Variants in AAMDC observed in about 807,000 individuals in gnomAD.
AAMDC encodes mth938 domain-containing protein.
A neutral mutation model predicts 15.5 loss-of-function variants in AAMDC; 16 were observed. The ratio of observed to expected loss-of-function variants is 1.03; its 90% CI spans 0.70 to 1.57. AAMDC has a LOEUF of 1.57. Ranked by LOEUF, AAMDC falls within the 40% of genes most tolerant of loss-of-function variation. AAMDC has a pLI of 0.00. For synonymous variants in AAMDC, 51 were observed against 51.6 expected, an observed-to-expected ratio of 0.99 and a Z score of 0.05; for missense variants, 141 against 144.9, an observed-to-expected ratio of 0.97 and a Z score of 0.14.
intron 2 of AAMDC, among the ~76,000 whole-genome samples, chr11:77,860,735 A>T (rs569434571): frequency 4.6e-5 from 7 of 152,332 alleles, no homozygotes; most frequent in Non-Finnish European, 4.4e-5. Context: ...TCAAAGGCAA[A>T]CAAGAATTGA....
intron 1 of AAMDC, among the ~76,000 whole-genome samples, chr11:77,830,571 G>A (rs1949375647): frequency 6.7e-6 from 1 of 148,284 alleles, no homozygotes; most frequent in African/African-American, 2.5e-5. Flanking sequence ...TAGAGGCAAG[G>A]TGCCCCCGAC....
chr11:77,891,969 C>T, intron 5 of AAMDC: 2 of 1,454,652 alleles, frequency 1.4e-6, no homozygotes, highest in Admixed American at 2.1e-5. Flanking sequence ...CAGTTTACGA[C>T]CAAGATAGAC....
chr11:77,891,938 T>A, intron 5 of AAMDC: 1 of 1,570,982 alleles, frequency 6.4e-7, no homozygotes, highest in Non-Finnish European at 8.6e-7. Context: ...GTAGGAAGAA[T>A]GATGAAGTGA....
chr11:77,870,538 C>T (rs1021468361), intron 3 of AAMDC, among the ~76,000 whole-genome samples: 2 of 151,702 alleles, frequency 1.3e-5, no homozygotes, highest in Admixed American at 6.6e-5. Context: ...GGGGTTTCAC[C>T]GTGTTAGCCA....
chr11:77,903,624 C>A, downstream of AAMDC: 1 of 1,612,158 alleles, frequency 6.2e-7, no homozygotes, highest in South Asian at 1.1e-5. Flanking sequence ...GCAAGGCCTA[C>A]GCAGACAAAT....
At chr11:77,901,221 A>G (rs1952767743), downstream of AAMDC, 1 of 646,500 alleles carries the variant, frequency 1.5e-6, no homozygotes, top group African/African-American at 1.8e-5. Context: ...AGGGAGAGAC[A>G]CAATTGGATT....
downstream of AAMDC, chr11:77,877,114 CTCATGACCTCGTGGA>C: frequency 1.4e-6 from 1 of 690,664 alleles, no homozygotes; most frequent in Non-Finnish European, 2.6e-6. Flanking sequence ...CTCTTTCGCA[CTCATGACCTCGTGGA>C]AATAGACTGC....
chr11:77,849,901 T>A (rs1950301997), intron 2 of AAMDC, among the ~76,000 whole-genome samples: 1 of 152,184 alleles, frequency 6.6e-6, no homozygotes, highest in South Asian at 2.1e-4. Flanking sequence ...AGATGCTTAC[T>A]CCCTTCCCTT....
At chr11:77,900,248 T>C (rs531205441) in intron 5 of AAMDC, among the ~76,000 whole-genome samples, 39 of 152,130 alleles carry the variant, frequency 2.6e-4, no homozygotes, top group East Asian at 2.3e-3. Context: ...TACTGGTGCA[T>C]GCCACCATGC....
At chr11:77,876,556 T>C (rs2136335531), downstream of AAMDC, among the ~76,000 whole-genome samples, 1 of 152,218 alleles carries the variant, frequency 6.6e-6, no homozygotes, top group African/African-American at 2.4e-5. Context: ...AGCAACAAAT[T>C]TGTCAGGAGC....
At chr11:77,878,533 C>T (rs530787260) in intron 5 of AAMDC, among the ~76,000 whole-genome samples, 6 of 152,112 alleles carry the variant, frequency 3.9e-5, no homozygotes, top group South Asian at 4.2e-4. Flanking sequence ...GCTGTTAAAG[C>T]GGCCTTGGAG....
downstream of AAMDC, chr11:77,877,066 AG>A (rs2136337168): frequency 1.4e-6 from 1 of 702,692 alleles, no homozygotes; most frequent in African/African-American, 1.7e-5. Context: ...ACACTAGAAA[AG>A]TCAGCTCCCT....
At chr11:77,867,349 T>C (rs1951166744) in intron 2 of AAMDC, among the ~76,000 whole-genome samples, 11 of 152,212 alleles carry the variant, frequency 7.2e-5, no homozygotes, top group Admixed American at 7.2e-4. Context: ...CGAGACCCAG[T>C]TAAAACAGCA....
intron 2 of AAMDC, among the ~76,000 whole-genome samples, chr11:77,863,483 C>A (rs573321145): frequency 6.6e-6 from 1 of 152,210 alleles, no homozygotes; most frequent in South Asian, 2.1e-4. Flanking sequence ...AGGTAGCCTG[C>A]GTTTAAGCAA....
At chr11:77,867,012 TG>T (rs1030487510) in intron 2 of AAMDC, among the ~76,000 whole-genome samples, 10 of 152,224 alleles carry the variant, frequency 6.6e-5, no homozygotes, top group African/African-American at 2.4e-4. Context: ...GGCTAATTTT[TG>T]TATTTTTAGT....
chr11:77,852,149 G>A (rs1339083612), intron 2 of AAMDC, among the ~76,000 whole-genome samples: 1 of 140,892 alleles, frequency 7.1e-6, no homozygotes, highest in Non-Finnish European at 1.5e-5. Flanking sequence ...CGAGATGGGA[G>A]GATCACTTGT....
At chr11:77,884,759 CTT>C in intron 5 of AAMDC, 2 of 382,266 alleles carry the variant, frequency 5.2e-6, no homozygotes, top group Admixed American at 2.8e-5. Context: ...TTCTTTCTTT[CTT>C]TTTTTTTCTT....
At chr11:77,862,329 A>G (rs543662620) in intron 2 of AAMDC, among the ~76,000 whole-genome samples, 2 of 152,352 alleles carry the variant, frequency 1.3e-5, no homozygotes, top group African/African-American at 2.4e-5. Context: ...CAGTAACATT[A>G]TATCTCCATG....
chr11:77,827,339 A>G (rs1350324630), intron 1 of AAMDC, among the ~76,000 whole-genome samples: 2 of 152,222 alleles, frequency 1.3e-5, no homozygotes, highest in Non-Finnish European at 2.9e-5. Flanking sequence ...AAAATATCAC[A>G]AGGAAAGCCC....
Sources: gnomAD v4.1 joint callset for allele counts (sites outside exome capture counted in the v4.1 genomes callset) on GRCh38, gnomAD v4.1.1 for gene constraint, MANE v1.5 for transcripts, NCBI Gene and HGNC (gene_info 2026-07-23, HGNC 2026-07-21) for gene names.